Variants in COQ2 observed in about 807,000 individuals in gnomAD.
COQ2 encodes the protein 4-hydroxybenzoate polyprenyltransferase, mitochondrial.
Under a neutral mutation model 35.7 loss-of-function variants are expected in COQ2, and 25 were observed. That is an observed-to-expected ratio of 0.70 (90% CI 0.51 to 0.98). The LOEUF (loss-of-function observed/expected upper bound fraction) is 0.98. Ranked by LOEUF, COQ2 falls within the 50% of genes least tolerant of loss-of-function variation. COQ2 has a pLI of 0.00. For missense variants in COQ2, 488 were observed against 473.5 expected (o/e 1.03, Z -0.28); for synonymous variants, 206 against 186.2 (o/e 1.11, Z -0.86).
intron 2 of COQ2, among the ~76,000 whole-genome samples, chr4:83,276,676 A>G (rs1352262062): frequency 6.6e-6 from 1 of 152,194 alleles, no homozygotes; most frequent in Non-Finnish European, 1.5e-5. Context: ...TACTAATTCA[A>G]CAATCCCACT....
At position 83,284,680 on chromosome 4, in the gene COQ2, A is replaced by G. The variant is rs863223933; in HGVS notation, c.85T>C (p.Phe29Leu). The change falls in exon 1 of 7, where the codon TTC becomes CTC. Residue 29 changes from phenylalanine to leucine, a missense_variant. Coordinates refer to ENST00000647002, the MANE Select transcript of COQ2 (RefSeq NM_001358921.2). The part of the protein sequence containing the change: ...AWLPGWRGRS[F>L]ALARAAGAPH... ...GCGCCTGCCGCACGCGCCAGGGCGAAGGAGCGGCCCCGCCAGCCCGGCAGC... is the reference window on the plus strand; with the variant it reads ...GCGCCTGCCGCACGCGCCAGGGCGAGGGAGCGGCCCCGCCAGCCCGGCAGC... The G allele has an allele frequency of 5.0e-5, 73 of 1,469,468 alleles. No individual in the cohort carries two copies. The highest frequency in any genetic ancestry group is 6.2e-5 in the Non-Finnish European group (69 of 1,116,804). 91.0% of individuals were successfully genotyped at this position (1,469,468 alleles called of 1,614,324 possible).
chr4:83,275,240 C>T (rs1196394062), intron 2 of COQ2, among the ~76,000 whole-genome samples: 1 of 152,104 alleles, frequency 6.6e-6, no homozygotes, highest in Non-Finnish European at 1.5e-5. Flanking sequence ...GAAATCTGGA[C>T]ATTTAAGTAT....
At chr4:83,283,068 A>G (rs1735363159) in intron 1 of COQ2, among the ~76,000 whole-genome samples, 2 of 152,190 alleles carry the variant, frequency 1.3e-5, no homozygotes, top group South Asian at 4.1e-4. Flanking sequence ...CCCAAAACTC[A>G]TGGGGGTCAT....
intron 4 of COQ2, 132 bp from the exon 5 acceptor site, chr4:83,270,125 C>T (rs1322321228): frequency 2.1e-6 from 2 of 951,456 alleles, no homozygotes; most frequent in East Asian, 2.8e-5. Context: ...CTGTGGGTTC[C>T]TTCCTTAAAC....
chr4:83,283,873 ATCTT>A, intron 1 of COQ2: 1 of 985,442 alleles, frequency 1.0e-6, no homozygotes, highest in Non-Finnish European at 1.2e-6. Flanking sequence ...GGTCAGGAAA[ATCTT>A]TCTGTCGGGG....
rs566165293 is a variant in COQ2 at position 83,284,628 on chromosome 4, G to A, written c.137C>T (p.Pro46Leu). The part of the protein sequence containing the change: ...GAPHGGDLQP[P>L]ACPEPRGRQL... ...GCGCCCGCGCGGCTCGGGACAGGCG[G>A]GGGGCTGCAAGTCACCACCGTGGGG... Residue 46 changes from proline (P) to leucine (L), a missense_variant, in exon 1 of 7, where the codon CCC (proline) becomes CTC (leucine). Physicochemically the swap from Pro to Leu is moderately conservative, Grantham distance 98. Transcript: ENST00000647002. 475 of 1,514,666 alleles carry A rather than the reference G, an allele frequency of 3.1e-4. 2 individuals are homozygous for A. The African/African-American group carries it at 6.2e-3, about 20-fold the overall frequency. 93.8% of individuals were successfully genotyped at this position (1,514,666 alleles called of 1,614,324 possible).
chr4:83,284,446 C>T, intron 1 of COQ2, 66 bp downstream of exon 1: 2 of 1,498,556 alleles, frequency 1.3e-6, no homozygotes, highest in Non-Finnish European at 1.8e-6. Context: ...CCGCGGACAG[C>T]TCCGCGGAGC....
intron 2 of COQ2, among the ~76,000 whole-genome samples, chr4:83,274,249 A>C (rs1024610312): frequency 1.3e-5 from 2 of 152,104 alleles, no homozygotes; most frequent in African/African-American, 4.8e-5. Flanking sequence ...ATATTTACGA[A>C]GTGGCACAAT....
Position 83,264,123 on chromosome 4 carries a change from T to C in COQ2, c.*76A>G. On this transcript the variant is annotated 3_prime_UTR_variant, in exon 7 of 7. Transcript: ENST00000647002. The stretch of plus-strand genomic sequence containing the variant: ...TCAGGTTCTTAATTCTTTAACATAT[T>C]GTATCAGATTTTGTATTCAAATCTA... 1.2e-6 allele frequency: 1 copy of C among 804,394 alleles called. No individual in the cohort carries two copies. The highest frequency in any genetic ancestry group is 1.9e-6 in the Non-Finnish European group (1 of 527,936). The allele number at this position is 804,394 out of a possible 1,614,324, so 49.8% of individuals were successfully genotyped here. A position where few individuals can be genotyped will look rare whatever the true frequency, so the allele number is the denominator to read the frequency against.
At chr4:83,266,251 T>G (rs1734915697) in intron 6 of COQ2, among the ~76,000 whole-genome samples, 1 of 152,244 alleles carries the variant, frequency 6.6e-6, no homozygotes, top group African/African-American at 2.4e-5. Context: ...CATCAGATTC[T>G]GATTTCCTTC....
upstream of COQ2, chr4:83,284,879 AC>A: frequency 1.3e-6 from 2 of 1,525,872 alleles, no homozygotes; most frequent in South Asian, 2.4e-5. Context: ...TGTGGGCAGA[AC>A]CTTTCCTCAT....
At chr4:83,265,149 T>C (rs77296500) in intron 6 of COQ2, among the ~76,000 whole-genome samples, 3,411 of 152,336 alleles carry the variant, frequency 0.022, 138 homozygotes, top group African/African-American at 0.078. Flanking sequence ...GTCTCACGTA[T>C]GTTCCTATCT....
chr4:83,268,964 A>C (rs1734984812), intron 5 of COQ2, among the ~76,000 whole-genome samples: 1 of 152,190 alleles, frequency 6.6e-6, no homozygotes, highest in East Asian at 1.9e-4. Context: ...TATACCTTGA[A>C]TATGCATAAT....
At position 83,272,149 on chromosome 4, in the gene COQ2, A is replaced by G. The variant is rs1452159098; in HGVS notation, c.566T>C (p.Leu189Ser). The stretch of plus-strand genomic sequence containing the variant: ...TAGTGGGTAGGTGATGACAAGAAGT[A>G]AGGATCCTGCTCCCAGAGCTATACT... ...YYSIALGAGS[L>S]LLVITYPLMK... Residue 189 changes from leucine to serine, a missense_variant, in exon 4 of 7, where the codon TTA becomes TCA. Leu to Ser is a moderately radical substitution (Grantham distance 145, BLOSUM62 -2). Transcript: ENST00000647002. The G allele has an allele frequency of 1.2e-6, 2 of 1,610,684 alleles. No homozygotes were observed. Among genetic ancestry groups the G allele is most frequent in the South Asian group, 1.1e-5 (1 of 90,330 alleles).
intron 6 of COQ2, among the ~76,000 whole-genome samples, chr4:83,266,344 T>C (rs375367026): frequency 7.4e-5 from 11 of 149,230 alleles, no homozygotes; most frequent in Admixed American, 3.3e-4. Flanking sequence ...TACAGCTTCA[T>C]GAATATCTTC....
rs1318326406 is a variant in COQ2, at chr4:83,273,478, G to A, written c.542+18C>T. On this transcript the variant is annotated intron_variant, in intron 3 of 6. Transcript: ENST00000647002. ...AAAGGAGAGATTTTATACATGATGT[G>A]GAAAACGTTTAATATACCTGTAGTA... 6.3e-7 allele frequency: 1 copy of A among 1,597,646 alleles called. No individual in the cohort carries two copies. Among genetic ancestry groups the A allele is most frequent in the Non-Finnish European group, 8.5e-7 (1 of 1,173,680 alleles).
Position 83,267,672 on chromosome 4 carries a change from C to A in COQ2, c.865G>T (p.Ala289Ser), listed in dbSNP as rs767032541. The change falls in exon 6 of 7, where the codon GCA becomes TCA. Residue 289 changes from alanine to serine, a missense_variant. Transcript: ENST00000647002. ...CTGTTCACACCCACTAGGCTCAGTG[C>A]CCCCAGCATTGCAACACTGAAGCCG... is the stretch of plus-strand genomic sequence containing the variant. ...LSGFSVAMLG[A>S]LSLVGVNSGQ... The A allele has an allele frequency of 1.8e-5, 29 of 1,568,368 alleles. No individual in the cohort carries two copies. Among genetic ancestry groups the A allele is most frequent in the Non-Finnish European group, 2.4e-5 (28 of 1,156,906 alleles).
At chr4:83,272,320 G>A (rs1448129676) in intron 3 of COQ2, 148 bp from the exon 4 acceptor site, 11 of 479,412 alleles carry the variant, frequency 2.3e-5, no homozygotes, top group East Asian at 7.5e-5. Context: ...CCTAGCCTTC[G>A]ACTTTCCCTA....
In COQ2 at chr4:83,270,004, C is replaced by A. The variant is rs754026311; in HGVS notation, c.629-11G>T. On this transcript the variant is annotated splice_polypyrimidine_tract_variant and intron_variant, in intron 4 of 6. Coordinates refer to ENST00000647002, the MANE Select transcript of COQ2 (RefSeq NM_001358921.2). ...AATTAAATGTCAAGCCTACAATTAG[C>A]AAAACACAAAAAGGGGGAAAGTCTG... 1 of 1,610,346 alleles carries A rather than the reference C, an allele frequency of 6.2e-7. No individual in the cohort carries two copies. The highest frequency in any genetic ancestry group is 1.1e-5 in the South Asian group (1 of 90,316).
Sources: allele counts gnomAD v4.1 joint callset (sites outside exome capture counted in the v4.1 genomes callset), GRCh38; gene constraint gnomAD v4.1.1; transcripts MANE v1.5; gene names NCBI Gene and HGNC (gene_info 2026-07-23, HGNC 2026-07-21).